BTBD9: variants seen among roughly 807,000 people sequenced by gnomAD.
The protein encoded by BTBD9 is BTB domain containing 9.
BTBD9 carries 49 observed loss-of-function variants against 64.3 expected under a neutral mutation model. That is an observed-to-expected ratio of 0.76 (90% CI 0.61 to 0.97). BTBD9 has a LOEUF of 0.97. Ranked by LOEUF, BTBD9 falls within the 50% of genes least tolerant of loss-of-function variation. BTBD9 has a pLI of 0.00. For synonymous variants in BTBD9, 260 were observed against 274.7 expected, an observed-to-expected ratio of 0.95 and a Z score of 0.53; for missense variants, 598 against 762.1, an observed-to-expected ratio of 0.78 and a Z score of 2.53.
chr6:38,285,597 A>G (rs1392373700), intron 8 of BTBD9, among the ~76,000 whole-genome samples: 1 of 152,206 alleles, frequency 6.6e-6, no homozygotes, highest in Non-Finnish European at 1.5e-5. Context: ...CAGAGCTACT[A>G]AACTTCCCGT....
At chr6:38,270,858 A>C (rs1316602915) in intron 8 of BTBD9, among the ~76,000 whole-genome samples, 1 of 152,204 alleles carries the variant, frequency 6.6e-6, no homozygotes, top group East Asian at 1.9e-4. Context: ...CAGTAGTTTC[A>C]GATGGGAGGC....
intron 4 of BTBD9, among the ~76,000 whole-genome samples, chr6:38,585,938 C>CCA (rs10660204): frequency 0.19 from 26,791 of 140,626 alleles, 2,496 homozygotes; most frequent in African/African-American, 0.25. Context: ...ACAGGACAGA[C>CCA]CACACACACA....
chr6:38,217,938 T>C (rs1216881958), intron 9 of BTBD9, among the ~76,000 whole-genome samples: 2 of 152,122 alleles, frequency 1.3e-5, no homozygotes, highest in African/African-American at 4.8e-5. Context: ...ACCCAAGGGA[T>C]GTCCTACCTG....
rs145368138 is a variant in BTBD9, at chr6:38,433,783, T to C, written c.1155-88690A>G. Among the ~76,000 whole-genome samples, 13 of 152,136 alleles carry C rather than the reference T, an allele frequency of 8.5e-5. No individual in the cohort carries two copies. In the East Asian group the frequency reaches 1.9e-3, roughly 23 times the overall value. The stretch of plus-strand genomic sequence containing the variant: ...GCATTCATTATATCTGAAATTGCCA[T>C]GTTTATTTCACTGTTTATTTATTGT... On this transcript the variant is annotated intron_variant, in intron 6 of 10. Transcript: ENST00000481247.
At chr6:38,399,636 A>AC (rs1554147021) in intron 6 of BTBD9, among the ~76,000 whole-genome samples, 1 of 151,702 alleles carries the variant, frequency 6.6e-6, no homozygotes. Flanking sequence ...AACAACCTAG[A>AC]TTTTTTTTTA....
intron 6 of BTBD9, among the ~76,000 whole-genome samples, chr6:38,401,592 G>C (rs1481792026): frequency 6.6e-6 from 1 of 152,200 alleles, no homozygotes; most frequent in African/African-American, 2.4e-5. Context: ...CCCTGGTAAA[G>C]AGACAAGAAG....
At chr6:38,508,422 T>C (rs1772634858) in intron 6 of BTBD9, among the ~76,000 whole-genome samples, 1 of 152,146 alleles carries the variant, frequency 6.6e-6, no homozygotes, top group Non-Finnish European at 1.5e-5. Context: ...GTTCAGTGTG[T>C]TCTACAAATG....
chr6:38,474,876 A>C (rs1433759050), intron 6 of BTBD9, among the ~76,000 whole-genome samples: 2 of 152,190 alleles, frequency 1.3e-5, no homozygotes, highest in African/African-American at 2.4e-5. Flanking sequence ...CTCCAAATGA[A>C]AGTAAAGTAT....
intron 6 of BTBD9, among the ~76,000 whole-genome samples, chr6:38,387,484 C>G (rs571768759): frequency 6.6e-4 from 100 of 152,270 alleles, no homozygotes; most frequent in African/African-American, 2.3e-3. Flanking sequence ...TTGCGGTGAG[C>G]TGAGATCACG....
chr6:38,610,629 G>C (rs1777585342), intron 1 of BTBD9, among the ~76,000 whole-genome samples: 1 of 152,160 alleles, frequency 6.6e-6, no homozygotes, highest in African/African-American at 2.4e-5. Context: ...TCATAGTTCT[G>C]TGGGGGTTAA....
chr6:38,442,378 TCGGGAGG>T (rs1769072947), intron 6 of BTBD9, among the ~76,000 whole-genome samples: 1 of 151,942 alleles, frequency 6.6e-6, no homozygotes, highest in South Asian at 2.1e-4. Flanking sequence ...CCCAGCCTAC[TCGGGAGG>T]CTTGAACCTG....
chr6:38,423,660 A>G (rs886348149), intron 6 of BTBD9, among the ~76,000 whole-genome samples: 1 of 152,226 alleles, frequency 6.6e-6, no homozygotes, highest in African/African-American at 2.4e-5. Flanking sequence ...AATGCCAAAC[A>G]GGTTATTATA....
intron 6 of BTBD9, among the ~76,000 whole-genome samples, chr6:38,404,209 G>A (rs1357367839): frequency 6.6e-6 from 1 of 152,130 alleles, no homozygotes; most frequent in East Asian, 1.9e-4. Context: ...TTAAAATGGT[G>A]AATTTATGGC....
intron 6 of BTBD9, among the ~76,000 whole-genome samples, chr6:38,467,714 T>C (rs566573187): frequency 6.6e-6 from 1 of 152,284 alleles, no homozygotes; most frequent in East Asian, 1.9e-4. Flanking sequence ...AAAATGCTTT[T>C]TCCTCCTTCC....
intron 9 of BTBD9, among the ~76,000 whole-genome samples, chr6:38,227,094 A>G (rs1323030579): frequency 6.6e-6 from 1 of 152,180 alleles, no homozygotes; most frequent in African/African-American, 2.4e-5. Context: ...TTGCTCACCC[A>G]CTGTGTGCCT....
chr6:38,414,053 A>G (rs9470876), intron 6 of BTBD9, among the ~76,000 whole-genome samples: 3 of 152,096 alleles, frequency 2.0e-5, no homozygotes, highest in African/African-American at 7.2e-5. Flanking sequence ...TGCTCATTTA[A>G]CATAGTCCAG....
chr6:38,588,049 G>T lies in BTBD9; in HGVS notation c.814+4527C>A, dbSNP rs1466173411. The stretch of plus-strand genomic sequence containing the variant: ...CAGAAGCTAAGATACAAGCAGGTCA[G>T]ACTGAAAGTCAGCTGTATCAATAGT... On this transcript the variant is annotated intron_variant, in intron 4 of 10. Transcript: ENST00000481247. The T allele has an allele frequency of 2.2e-5, 16 of 727,006 alleles. No homozygotes were observed. The Admixed American group carries it at 2.8e-4, about 13-fold the overall frequency. The allele number at this position is 727,006 out of a possible 1,614,324, so 45.0% of individuals were successfully genotyped here. A position where few individuals can be genotyped will look rare whatever the true frequency, so the allele number is the denominator to read the frequency against.
At chr6:38,348,112 A>G (rs560805932) in intron 6 of BTBD9, among the ~76,000 whole-genome samples, 275 of 152,318 alleles carry the variant, frequency 1.8e-3, no homozygotes, top group Non-Finnish European at 3.2e-3. Context: ...GACAACGAGC[A>G]TATTTCCTTA....
At chr6:38,273,818 C>G (rs965124998) in intron 8 of BTBD9, among the ~76,000 whole-genome samples, 1 of 152,162 alleles carries the variant, frequency 6.6e-6, no homozygotes, top group Non-Finnish European at 1.5e-5. Flanking sequence ...TTGTAAAGAA[C>G]AGAATAAAGG....
Sources: gnomAD v4.1 joint callset for allele counts (sites outside exome capture counted in the v4.1 genomes callset) on GRCh38, gnomAD v4.1.1 for gene constraint, MANE v1.5 for transcripts, NCBI Gene and HGNC (gene_info 2026-07-23, HGNC 2026-07-21) for gene names.